Variants in CAMKK2 observed in about 807,000 individuals in gnomAD.
The protein encoded by CAMKK2 is calcium/calmodulin dependent protein kinase kinase 2.
A neutral mutation model predicts 67.2 loss-of-function variants in CAMKK2; 30 were observed. The observed-to-expected ratio is 0.45, with a 90% CI of 0.33 to 0.61. The LOEUF is 0.61. Ranked by LOEUF, CAMKK2 falls within the 20% of genes least tolerant of loss-of-function variation. The pLI is 0.02. For missense variants in CAMKK2, 643 were observed against 802.0 expected (o/e 0.80, Z 2.39); for synonymous variants, 322 against 326.2 (o/e 0.99, Z 0.14).
intron 14 of CAMKK2, 35 bp downstream of exon 14, chr12:121,248,571 G>A (rs1364791859): frequency 6.2e-7 from 1 of 1,613,360 alleles, no homozygotes; most frequent in African/African-American, 1.3e-5. Context: ...AGGCTCCTGG[G>A]TCCCTGCTCT....
chr12:121,275,042 T>C (rs1424524418), intron 1 of CAMKK2, among the ~76,000 whole-genome samples: 2 of 152,188 alleles, frequency 1.3e-5, no homozygotes, highest in Non-Finnish European at 2.9e-5. Flanking sequence ...CCCTACAGAA[T>C]TGACAGCTGC....
intron 16 of CAMKK2, 132 bp downstream of exon 16, chr12:121,244,441 G>A (rs985495700): frequency 9.0e-5 from 77 of 856,620 alleles, no homozygotes; most frequent in East Asian, 8.0e-5. Context: ...GGAGGCCCGC[G>A]GTGAGCCGGG....
intron 7 of CAMKK2, among the ~76,000 whole-genome samples, chr12:121,259,164 A>G (rs1892946852): frequency 6.6e-6 from 1 of 152,048 alleles, no homozygotes; most frequent in African/African-American, 2.4e-5. Context: ...AATGTTGTAA[A>G]ATACCTTCTG....
chr12:121,257,043 G>A (rs1214724286), intron 7 of CAMKK2, among the ~76,000 whole-genome samples: 2 of 151,294 alleles, frequency 1.3e-5, no homozygotes, highest in African/African-American at 2.4e-5. Flanking sequence ...GAGCACAGTC[G>A]ATTTCAAAAT....
At position 121,240,731 on chromosome 12, in the gene CAMKK2, G is replaced by A. The variant is rs200665117; in HGVS notation, c.1735C>T (p.Leu579=). The part of the protein sequence containing the change: ...APGSPARMHP[L]RPEEAMEPE ...GGCTCCATGGCCTCCTCCGGCCGCA[G>A]TGGATGCATGCGTGCGGGGGAGCCG... Residue 579 remains leucine, a synonymous_variant, in exon 17 of 17, where the codon CTG becomes TTG. Transcript: ENST00000404169. The surrounding 1 kb of genome is among the most constrained non-coding windows in gnomAD (Gnocchi z 4.4). The A allele has an allele frequency of 1.6e-5, 26 of 1,608,318 alleles. No individual in the cohort carries two copies. The highest frequency in any genetic ancestry group is 2.2e-5 in the East Asian group (1 of 44,860).
chr12:121,284,281 G>A (rs898867252), intron 1 of CAMKK2, among the ~76,000 whole-genome samples: 7 of 152,346 alleles, frequency 4.6e-5, no homozygotes, highest in East Asian at 1.9e-4. Flanking sequence ...TAGGCAGGGC[G>A]ACAATTGGGC....
chr12:121,290,636 G>A (rs775427929), intron 1 of CAMKK2, among the ~76,000 whole-genome samples: 14 of 152,104 alleles, frequency 9.2e-5, no homozygotes, highest in Non-Finnish European at 2.1e-4. Flanking sequence ...GCTACGGTGG[G>A]CCATGATGGC....
chr12:121,253,675 AG>A lies in CAMKK2; in HGVS notation c.908-204del, dbSNP rs2136226514. Among the ~76,000 whole-genome samples, 1 of 152,308 alleles carries A rather than the reference AG, an allele frequency of 6.6e-6. No homozygotes were observed. The highest frequency in any genetic ancestry group is 1.9e-4 in the East Asian group (1 of 5,182). ...AAAGATGAGGGGAAAAGTGTCTTCA[AG>A]GAAGTCCCAGCCCACCATCACCCCA... On this transcript the variant is annotated intron_variant, in intron 9 of 16. Coordinates refer to ENST00000404169, the MANE Select transcript of CAMKK2 (RefSeq NM_001270485.2). This position sits in a 1 kb window ranked among gnomAD's most constrained non-coding sequence, Gnocchi z 5.0.
At chr12:121,266,094 G>C (rs531132318) in intron 5 of CAMKK2, among the ~76,000 whole-genome samples, 1 of 152,138 alleles carries the variant, frequency 6.6e-6, no homozygotes, top group Non-Finnish European at 1.5e-5. Flanking sequence ...ACCATGCCCA[G>C]CTAATTTTTA....
rs143828356 is a variant in CAMKK2 at position 121,259,348 on chromosome 12, G to A, written c.796+971C>T. ...AAACCCACGCATCACACTCAGGTGC[G>A]CTCCCCAAGGACAGGGGTTTTTGAA... is the stretch of plus-strand genomic sequence containing the variant. On this transcript the variant is annotated intron_variant, in intron 7 of 16. Transcript: ENST00000404169. Among the ~76,000 whole-genome samples the A allele has an allele frequency of 1.5e-3, 235 of 152,200 alleles. 3 individuals are homozygous for A. Among genetic ancestry groups the A allele is most frequent in the South Asian group, 2.5e-3 (12 of 4,822 alleles).
chr12:121,274,414 C>G lies in CAMKK2; in HGVS notation c.113G>C (p.Arg38Pro). ...SESQKPCEAL[R>P]GLSSLSIHLG... ...GTGGATGCTCAAGGATGAGAGGCCC[C>G]GCAGGGCCTCACAGGGCTTCTGGCT... The change falls in exon 2 of 17, where the codon CGG becomes CCG. Residue 38 changes from arginine (R) to proline (P), a missense_variant. Physicochemically the swap from Arg to Pro is moderately radical, Grantham distance 103. Transcript: ENST00000404169. 1 of 1,613,002 alleles carries G rather than the reference C, an allele frequency of 6.2e-7. No homozygotes were observed. The highest frequency in any genetic ancestry group is 8.5e-7 in the Non-Finnish European group (1 of 1,179,678).
At position 121,274,835 on chromosome 12, in the gene CAMKK2, CCTCT is replaced by C. The variant is rs1555261222; in HGVS notation, c.-59-254_-59-251del. ...TTTTTTTTTTGAGACAAGGTCTCTC[CCTCT>C]CTCTGTTGCCCAGGCTGGAGTACAG... On this transcript the variant is annotated intron_variant, in intron 1 of 16. Transcript: ENST00000404169. 4.1e-5 allele frequency among the ~76,000 whole-genome samples: 6 copies of C among 145,154 alleles called. No individual in the cohort carries two copies. The South Asian group carries it at 6.5e-4, about 16-fold the overall frequency.
chr12:121,247,149 T>A (rs1233023518), intron 14 of CAMKK2, among the ~76,000 whole-genome samples: 1 of 152,090 alleles, frequency 6.6e-6, no homozygotes, highest in Admixed American at 6.6e-5. Flanking sequence ...TCGGCGGAGT[T>A]AACACCCTAC....
In CAMKK2 at chr12:121,253,839, A is replaced by T. The variant is rs1364748787; in HGVS notation, c.908-367T>A. 6.6e-6 allele frequency among the ~76,000 whole-genome samples: 1 copy of T among 152,192 alleles called. No homozygotes were observed. Among genetic ancestry groups the T allele is most frequent in the Non-Finnish European group, 1.5e-5 (1 of 68,040 alleles). On this transcript the variant is annotated intron_variant, in intron 9 of 16. Transcript: ENST00000404169. The surrounding 1 kb of genome is among the most constrained non-coding windows in gnomAD (Gnocchi z 5.0). Reference sequence around the variant, plus strand: ...AGCTAGTTGTGAAACTGACAGTGAAACATAGTTTCATTTACCAACAGCCAA... The same window carrying T: ...AGCTAGTTGTGAAACTGACAGTGAATCATAGTTTCATTTACCAACAGCCAA...
chr12:121,244,669 A>G, intron 15 of CAMKK2, 54 bp from the exon 16 acceptor site: 2 of 1,405,448 alleles, frequency 1.4e-6, no homozygotes, highest in Non-Finnish European at 1.9e-6. Context: ...CTTGGGATCC[A>G]CGGGATGCCC....
chr12:121,255,432 A>G (rs1028423098), intron 9 of CAMKK2, 118 bp downstream of exon 9: 16 of 615,688 alleles, frequency 2.6e-5, no homozygotes, highest in African/African-American at 2.5e-4. Flanking sequence ...AGAGGACCCC[A>G]ATCCACCCGC....
At chr12:121,242,482 G>A (rs578197006) in intron 16 of CAMKK2, among the ~76,000 whole-genome samples, 212 of 152,350 alleles carry the variant, frequency 1.4e-3, no homozygotes, top group Non-Finnish European at 7.8e-4. Flanking sequence ...GGAAAGGCCA[G>A]CCCGCTGGGT....
At chr12:121,241,026 T>C (rs2136119557) in intron 16 of CAMKK2, among the ~76,000 whole-genome samples, 157 bp from the exon 17 acceptor site, 2 of 152,300 alleles carry the variant, frequency 1.3e-5, no homozygotes, top group Middle Eastern at 6.8e-3. Flanking sequence ...CCTCTCCCCT[T>C]TTCCTTGCTC....
intron 1 of CAMKK2, among the ~76,000 whole-genome samples, chr12:121,276,879 C>T (rs1336266287): frequency 1.7e-5 from 2 of 115,264 alleles, no homozygotes; most frequent in Non-Finnish European, 3.2e-5. Context: ...AGGGAGACTC[C>T]ATCTCAAAAA....
Sources: gnomAD v4.1 joint callset for allele counts (sites outside exome capture counted in the v4.1 genomes callset) on GRCh38, gnomAD v4.1.1 for gene constraint, Gnocchi (gnomAD v3.1) non-coding constraint, MANE v1.5 for transcripts, NCBI Gene and HGNC (gene_info 2026-07-23, HGNC 2026-07-21) for gene names.